The following MYOM1 variants were observed in gnomAD, a reference collection of about 807,000 sequenced individuals.
The protein encoded by MYOM1 is myomesin-1.
In MYOM1, 164 loss-of-function variants were observed where a neutral mutation model predicts 205.3. The observed-to-expected ratio is 0.80, with a 90% CI of 0.70 to 0.91. The LOEUF (loss-of-function observed/expected upper bound fraction) is 0.91, where lower values mean the gene tolerates loss of function less well. Ranked by LOEUF, MYOM1 falls within the 40% of genes least tolerant of loss-of-function variation. MYOM1 has a pLI of 0.00. For synonymous variants in MYOM1, 772 were observed against 789.4 expected (o/e 0.98, Z 0.37); for missense variants, 2,011 against 2,127.3 (o/e 0.95, Z 1.08).
At chr18:3,082,731 T>C (rs1187316684) in intron 33 of MYOM1, among the ~76,000 whole-genome samples, 1 of 151,780 alleles carries the variant, frequency 6.6e-6, no homozygotes, top group African/African-American at 2.4e-5. Flanking sequence ...CTGTCAAGAG[T>C]GTAAATGGGA....
intron 19 of MYOM1, among the ~76,000 whole-genome samples, chr18:3,121,164 A>G (rs751051496): frequency 1.3e-5 from 2 of 152,204 alleles, no homozygotes; most frequent in Non-Finnish European, 2.9e-5. Flanking sequence ...CATATGTTTA[A>G]TTAGTTTTGG....
At chr18:3,184,158 G>A (rs1164841973) in intron 5 of MYOM1, among the ~76,000 whole-genome samples, 1 of 151,988 alleles carries the variant, frequency 6.6e-6, no homozygotes, top group Non-Finnish European at 1.5e-5. Context: ...TGCCCACCTC[G>A]GCCTCCCAAA....
intron 17 of MYOM1, among the ~76,000 whole-genome samples, chr18:3,129,872 C>T (rs1272117319): frequency 6.6e-6 from 1 of 151,874 alleles, no homozygotes. Context: ...TATTATTCAA[C>T]AGAATGAAAA....
In MYOM1 at chr18:3,112,154, T is replaced by C. The variant is rs1021499220; in HGVS notation, c.3418+144A>G. 4 of 637,802 alleles carry C rather than the reference T, an allele frequency of 6.3e-6. No homozygotes were observed. The Admixed American group carries it at 8.4e-5, about 13-fold the overall frequency. 39.5% of individuals were successfully genotyped at this position (637,802 alleles called of 1,614,324 possible). ...CCTGTGATGGGACCAATGACTGTCA[T>C]GTTCTAAGATCATTACTTATCAATT... On this transcript the variant is annotated intron_variant, in intron 22 of 37. Transcript: ENST00000356443.
chr18:3,151,414 C>T (rs2080219184), intron 12 of MYOM1, among the ~76,000 whole-genome samples: 1 of 148,850 alleles, frequency 6.7e-6, no homozygotes, highest in Non-Finnish European at 1.5e-5. Context: ...CTCAGTTTAA[C>T]AACATAAATG....
chr18:3,172,985 C>T lies in MYOM1; in HGVS notation c.1174+953G>A, dbSNP rs2080583353. Among the ~76,000 whole-genome samples, 4 of 152,336 alleles carry T rather than the reference C, an allele frequency of 2.6e-5. No homozygotes were observed. In the South Asian group the frequency reaches 8.3e-4, roughly 32 times the overall value. On this transcript the variant is annotated intron_variant, in intron 8 of 37. Coordinates refer to ENST00000356443, the MANE Select transcript of MYOM1 (RefSeq NM_003803.4). ...TGAAATCAGTGGAGCAGGTCAGCCA[C>T]AGACATCAAGCTAACCAGCCAGGTG...
At chr18:3,082,548 T>C (rs2079096382) in intron 33 of MYOM1, among the ~76,000 whole-genome samples, 1 of 152,156 alleles carries the variant, frequency 6.6e-6, no homozygotes, top group African/African-American at 2.4e-5. Context: ...TGCACCCTCC[T>C]GGGGATGCCA....
intron 10 of MYOM1, among the ~76,000 whole-genome samples, chr18:3,160,975 G>A (rs1423369169): frequency 6.6e-6 from 1 of 152,202 alleles, no homozygotes; most frequent in African/African-American, 2.4e-5. Flanking sequence ...ATGAAGGAAG[G>A]ACCATAGCAT....
intron 5 of MYOM1, among the ~76,000 whole-genome samples, chr18:3,185,189 G>A (rs1476303668): frequency 6.6e-5 from 10 of 152,156 alleles, no homozygotes; most frequent in South Asian, 2.1e-4. Flanking sequence ...CTCTGCTTTC[G>A]TGAAATCACA....
intron 4 of MYOM1, among the ~76,000 whole-genome samples, chr18:3,188,213 A>C (rs1435346084): frequency 1.2e-4 from 18 of 152,278 alleles, no homozygotes; most frequent in Non-Finnish European, 1.5e-5. Flanking sequence ...CTAAAATTCC[A>C]TGGAGTTTAA....
intron 10 of MYOM1, among the ~76,000 whole-genome samples, chr18:3,160,400 G>A (rs1054301513): frequency 2.6e-5 from 4 of 152,146 alleles, no homozygotes; most frequent in African/African-American, 9.6e-5. Context: ...GGCCCAGGCT[G>A]GTCTCACACT....
the MYOM1 span, among the ~76,000 whole-genome samples, chr18:3,230,627 C>G: frequency 6.6e-6 from 1 of 152,180 alleles, no homozygotes; most frequent in Non-Finnish European, 1.5e-5. Flanking sequence ...CTCTGATTGG[C>G]CCTCTCCTGC....
chr18:3,076,174 T>G (rs1358079667), intron 34 of MYOM1, among the ~76,000 whole-genome samples: 2 of 152,120 alleles, frequency 1.3e-5, no homozygotes, highest in Non-Finnish European at 2.9e-5. Flanking sequence ...ACGATTCTCC[T>G]GCCTCAGCCT....
intron 14 of MYOM1, among the ~76,000 whole-genome samples, chr18:3,136,494 C>T (rs570439015): frequency 1.3e-4 from 20 of 152,156 alleles, no homozygotes; most frequent in African/African-American, 4.1e-4. Context: ...GGCACAATCA[C>T]GGCTCACTGC....
intron 18 of MYOM1, 110 bp downstream of exon 18, chr18:3,129,122 A>G: frequency 7.5e-7 from 1 of 1,335,188 alleles, no homozygotes; most frequent in Non-Finnish European, 1.0e-6. Flanking sequence ...CACATACAAT[A>G]AGAATGGACA....
At chr18:3,187,029 C>T (rs116810907) in intron 5 of MYOM1, among the ~76,000 whole-genome samples, 1 of 152,172 alleles carries the variant, frequency 6.6e-6, no homozygotes, top group South Asian at 2.1e-4. Context: ...GAGGCCTCAG[C>T]TCACATGAGG....
the MYOM1 span, among the ~76,000 whole-genome samples, chr18:3,240,511 T>C: frequency 6.6e-6 from 1 of 152,252 alleles, no homozygotes; most frequent in Non-Finnish European, 1.5e-5. Flanking sequence ...ATGCCTTTCA[T>C]CTTCTGCCAT....
rs989516098 is a variant in MYOM1, at chr18:3,219,065, C to T, written c.-29+738G>A. ...AGCCAGGATTAGCTCCAACACATGA[C>T]GGCTGGAGTACGTTGGGAGGAAAGA... On this transcript the variant is annotated intron_variant, in intron 1 of 37. Coordinates refer to ENST00000356443, the MANE Select transcript of MYOM1 (RefSeq NM_003803.4). The surrounding 1 kb of genome is among the most constrained non-coding windows in gnomAD (Gnocchi z 4.4). Among the ~76,000 whole-genome samples, 3 of 152,110 alleles carry T rather than the reference C, an allele frequency of 2.0e-5. No homozygotes were observed. Among genetic ancestry groups the T allele is most frequent in the African/African-American group, 7.2e-5 (3 of 41,420 alleles).
intron 29 of MYOM1, among the ~76,000 whole-genome samples, chr18:3,087,846 C>T (rs1278597774): frequency 6.6e-6 from 1 of 152,058 alleles, no homozygotes; most frequent in Non-Finnish European, 1.5e-5. Flanking sequence ...CCAAGCAAGA[C>T]CCACGATACT....
Sources: allele counts gnomAD v4.1 joint callset (sites outside exome capture counted in the v4.1 genomes callset), GRCh38; gene constraint gnomAD v4.1.1; non-coding constraint Gnocchi (gnomAD v3.1); transcripts MANE v1.5; gene names NCBI Gene and HGNC (gene_info 2026-07-23, HGNC 2026-07-21).